Variants in PTPRM observed in about 807,000 individuals in gnomAD.
The protein encoded by PTPRM is receptor-type tyrosine-protein phosphatase mu.
Under a neutral mutation model 186.7 loss-of-function variants are expected in PTPRM, and 47 were observed. That is an observed-to-expected ratio of 0.25 (90% CI 0.20 to 0.32). PTPRM has a LOEUF of 0.32. PTPRM is among the 10% of genes least tolerant of loss of function. The probability of loss-of-function intolerance (pLI) is 1.00; values close to 1 mark genes in which losing one functional copy is unlikely to be tolerated. For missense variants in PTPRM, 1,494 were observed against 1,865.0 expected (o/e 0.80, Z 3.66); for synonymous variants, 668 against 674.9 (o/e 0.99, Z 0.16).
intron 14 of PTPRM, among the ~76,000 whole-genome samples, chr18:8,176,568 A>G (rs1327089216): frequency 1.3e-5 from 2 of 152,250 alleles, no homozygotes; most frequent in Non-Finnish European, 2.9e-5. Context: ...CCCAAAAGAA[A>G]GTTCTCTGTT....
intron 1 of PTPRM, among the ~76,000 whole-genome samples, chr18:7,649,288 A>T (rs1323911084): frequency 6.6e-6 from 1 of 152,232 alleles, no homozygotes; most frequent in Non-Finnish European, 1.5e-5. Context: ...CTGGAGATGT[A>T]CAAGGAGATT....
chr18:7,636,762 G>T (rs550398403), intron 1 of PTPRM, among the ~76,000 whole-genome samples: 18 of 152,318 alleles, frequency 1.2e-4, no homozygotes, highest in African/African-American at 4.3e-4. Context: ...GGAGATGTTG[G>T]ATTTAAACAA....
chr18:7,607,877 T>G lies in PTPRM; in HGVS notation c.73+39986T>G, dbSNP rs147012614. 2.9e-3 allele frequency among the ~76,000 whole-genome samples: 440 copies of G among 152,338 alleles called. 2 individuals carry two copies. The highest frequency in any genetic ancestry group is 0.01 in the African/African-American group (422 of 41,578). ...TTCCTTTTGCCCCGCTGTCTGATAT[T>G]TAATCCCGAATGGTGTAGGGGGTGA... On this transcript the variant is annotated intron_variant, in intron 1 of 32. Coordinates refer to ENST00000580170, the MANE Select transcript of PTPRM (RefSeq NM_001105244.2).
At chr18:7,830,583 A>G (rs2045709733) in intron 2 of PTPRM, among the ~76,000 whole-genome samples, 1 of 152,202 alleles carries the variant, frequency 6.6e-6, no homozygotes, top group Non-Finnish European at 1.5e-5. Flanking sequence ...GTTAGGCAGT[A>G]CATGACTTAC....
chr18:8,353,655 A>C (rs2095547830), intron 23 of PTPRM, among the ~76,000 whole-genome samples: 1 of 152,068 alleles, frequency 6.6e-6, no homozygotes, highest in African/African-American at 2.4e-5. Flanking sequence ...CCACCCCCAC[A>C]CCCCCAAATA....
chr18:8,150,432 T>C (rs527800408), intron 14 of PTPRM, among the ~76,000 whole-genome samples: 1 of 152,260 alleles, frequency 6.6e-6, no homozygotes, highest in Non-Finnish European at 1.5e-5. Flanking sequence ...TCTGCTTGAT[T>C]GATTCGGCTA....
chr18:7,747,953 G>T (rs1362840540), intron 1 of PTPRM, among the ~76,000 whole-genome samples: 1 of 152,192 alleles, frequency 6.6e-6, no homozygotes, highest in African/African-American at 2.4e-5. Flanking sequence ...GATTATCTCT[G>T]TGGAGGTGAC....
In PTPRM at chr18:8,125,976, CATATATATATATATAT is replaced by C. The variant is rs1178603481; in HGVS notation, c.2167+11186_2167+11201del. Among the ~76,000 whole-genome samples, 526 of 59,724 alleles carry C rather than the reference CATATATATATATATAT, an allele frequency of 8.8e-3. 13 individuals are homozygous for C. Among genetic ancestry groups the C allele is most frequent in the African/African-American group, 0.024 (425 of 17,972 alleles). 39.2% of individuals were successfully genotyped at this position (59,724 alleles called of 152,430 possible). Reference sequence around the variant, plus strand: ...GGAGAATGCTATATGTGTGTGTATACATATATATATATATATATATATATATATATATATATATATA... The same window carrying C: ...GGAGAATGCTATATGTGTGTGTATACATATATATATATATATATATATATA... On this transcript the variant is annotated intron_variant, in intron 13 of 32. Transcript: ENST00000580170.
intron 7 of PTPRM, among the ~76,000 whole-genome samples, chr18:8,022,442 C>T (rs913134017): frequency 1.3e-5 from 2 of 152,218 alleles, no homozygotes; most frequent in African/African-American, 4.8e-5. Flanking sequence ...TTTTCTGCTA[C>T]ACTTAATTTT....
At chr18:8,075,270 A>C (rs552838347) in intron 8 of PTPRM, among the ~76,000 whole-genome samples, 45 of 152,068 alleles carry the variant, frequency 3.0e-4, no homozygotes, top group Admixed American at 9.8e-4. Flanking sequence ...ATCTATCTAT[A>C]TATATATATC....
chr18:8,175,308 T>C (rs1005155187), intron 14 of PTPRM, among the ~76,000 whole-genome samples: 2 of 152,112 alleles, frequency 1.3e-5, no homozygotes, highest in African/African-American at 4.8e-5. Flanking sequence ...TAGTGTAAAA[T>C]AAGGAAGTGA....
intron 10 of PTPRM, 45 bp from the exon 11 acceptor site, chr18:8,088,704 T>C (rs781141896): frequency 1.4e-6 from 2 of 1,454,386 alleles, no homozygotes; most frequent in Non-Finnish European, 1.9e-6. Flanking sequence ...ACTGAGAAGA[T>C]AAACCAGAAA....
At chr18:7,723,204 C>A (rs535025327) in intron 1 of PTPRM, among the ~76,000 whole-genome samples, 1 of 77,420 alleles carries the variant, frequency 1.3e-5, no homozygotes, top group East Asian at 0.014. Flanking sequence ...CTCCTACAGG[C>A]TATTAACAGG....
intron 14 of PTPRM, among the ~76,000 whole-genome samples, chr18:8,149,745 A>G (rs1225251079): frequency 6.6e-6 from 1 of 152,064 alleles, no homozygotes; most frequent in Non-Finnish European, 1.5e-5. Flanking sequence ...CATAGTGTTG[A>G]TGGTCTTTAC....
chr18:7,702,959 G>C (rs755038205), intron 1 of PTPRM, among the ~76,000 whole-genome samples: 4 of 152,118 alleles, frequency 2.6e-5, no homozygotes, highest in African/African-American at 4.8e-5. Flanking sequence ...TGCTGTTTTT[G>C]TCAGGTTTGT....
At chr18:8,176,637 G>C (rs1005753721) in intron 14 of PTPRM, among the ~76,000 whole-genome samples, 1 of 152,176 alleles carries the variant, frequency 6.6e-6, no homozygotes, top group Non-Finnish European at 1.5e-5. Flanking sequence ...GATGTATTTT[G>C]ATCGTCCACA....
At chr18:8,225,391 AT>A (rs143087294) in intron 14 of PTPRM, among the ~76,000 whole-genome samples, 625 of 39,052 alleles carry the variant, frequency 0.016, 2 homozygotes, top group African/African-American at 0.08. Flanking sequence ...TGTCTCTTGT[AT>A]TTTTTTTTTT....
At chr18:8,283,056 C>A (rs1334966621) in intron 19 of PTPRM, among the ~76,000 whole-genome samples, 1 of 151,998 alleles carries the variant, frequency 6.6e-6, no homozygotes, top group Non-Finnish European at 1.5e-5. Flanking sequence ...CTAGTGGATT[C>A]CAGGAATTAG....
At chr18:7,965,598 C>A (rs558542242) in intron 7 of PTPRM, among the ~76,000 whole-genome samples, 1 of 152,212 alleles carries the variant, frequency 6.6e-6, no homozygotes, top group African/African-American at 2.4e-5. Context: ...TACCTTGCAT[C>A]CAGTGTCGCT....
Sources: gnomAD v4.1 joint callset for allele counts (sites outside exome capture counted in the v4.1 genomes callset) on GRCh38, gnomAD v4.1.1 for gene constraint, MANE v1.5 for transcripts, NCBI Gene and HGNC (gene_info 2026-07-23, HGNC 2026-07-21) for gene names.